The following C2orf49 variants were observed in gnomAD, a reference collection of about 807,000 sequenced individuals.
C2orf49 encodes tRNA-splicing ligase complex subunit ASW.
A neutral mutation model predicts 20.6 loss-of-function variants in C2orf49; 11 were observed. That is an observed-to-expected ratio of 0.53 (90% CI 0.34 to 0.88). The LOEUF (loss-of-function observed/expected upper bound fraction) is 0.88, where lower values mean the gene tolerates loss of function less well. Among genes scored for constraint, C2orf49 ranks in the 40% least tolerant of loss-of-function variants. The pLI is 0.02. For missense variants in C2orf49, 289 were observed against 274.2 expected (o/e 1.05, Z -0.38); for synonymous variants, 134 against 108.5 (o/e 1.24, Z -1.46).
chr2:105,361,117 A>G, the C2orf49 span: 3 of 629,964 alleles, frequency 4.8e-6, no homozygotes, highest in African/African-American at 5.5e-5. Context: ...GGACTGAACT[A>G]TCACAAAGCA....
At chr2:105,354,462 C>T in the C2orf49 span, among the ~76,000 whole-genome samples, 2 of 151,964 alleles carry the variant, frequency 1.3e-5, no homozygotes, top group South Asian at 2.1e-4. Context: ...GTCAGGAGTT[C>T]GAGACCAGCC....
chr2:105,370,751 GT>G, the C2orf49 span, among the ~76,000 whole-genome samples: 2 of 152,176 alleles, frequency 1.3e-5, no homozygotes, highest in African/African-American at 4.8e-5. Context: ...GTGCTGGTTT[GT>G]TTTGCATACA....
At chr2:105,337,721 G>GT in intron 1 of C2orf49, 35 bp downstream of exon 1, 1 of 26,800 alleles carries the variant, frequency 3.7e-5, no homozygotes, top group Non-Finnish European at 6.6e-5. Context: ...GGGCGGGTGG[G>GT]CCTTCCCAGG....
the C2orf49 span, among the ~76,000 whole-genome samples, chr2:105,365,357 G>C: frequency 3.3e-5 from 5 of 152,172 alleles, no homozygotes; most frequent in African/African-American, 1.2e-4. Context: ...GTCGAGGAAT[G>C]GATGCTTCTG....
chr2:105,382,697 T>A, the C2orf49 span, among the ~76,000 whole-genome samples: 1 of 152,168 alleles, frequency 6.6e-6, no homozygotes, highest in African/African-American at 2.4e-5. Flanking sequence ...TTTATTATTT[T>A]TTTTTTCTCT....
At position 105,346,247 on chromosome 2, in the gene C2orf49, AT is replaced by A. The variant is rs1209206986; in HGVS notation, c.*878del. On this transcript the variant is annotated 3_prime_UTR_variant, in exon 4 of 4. Transcript: ENST00000258457. ...ATACAGATAAAAATGCTGTTCTTTA[AT>A]TGCTTACATTGCTTCTTCCCATAAA... The A allele has an allele frequency of 1.3e-5, 2 of 152,296 alleles. No individual in the cohort carries two copies. The highest frequency in any genetic ancestry group is 3.9e-4 in the East Asian group (2 of 5,184). The allele number at this position is 152,296 out of a possible 1,614,324, so 9.4% of individuals were successfully genotyped here.
the C2orf49 span, chr2:105,378,340 C>T: frequency 2.9e-5 from 11 of 378,562 alleles, no homozygotes; most frequent in South Asian, 1.2e-4. Context: ...CTTCTGCAGG[C>T]GCAGCCTGTC....
the C2orf49 span, chr2:105,361,416 T>C: frequency 5.0e-6 from 8 of 1,614,058 alleles, no homozygotes; most frequent in East Asian, 1.8e-4. Flanking sequence ...AAAGGAGATG[T>C]ATTTTGTGCC....
chr2:105,343,243 C>A lies in C2orf49; in HGVS notation c.642+20C>A. On this transcript the variant is annotated intron_variant, in intron 3 of 3. Coordinates refer to ENST00000258457, the MANE Select transcript of C2orf49 (RefSeq NM_024093.3). The stretch of plus-strand genomic sequence containing the variant: ...GCCATGGTAAGTATGGGGGTGGTTT[C>A]CATGCTGGTAAGTGGTCTGAATGAA... 1 of 1,544,992 alleles carries A rather than the reference C, an allele frequency of 6.5e-7. No individual in the cohort carries two copies.
chr2:105,382,043 C>T, the C2orf49 span, among the ~76,000 whole-genome samples: 2 of 152,202 alleles, frequency 1.3e-5, no homozygotes, highest in African/African-American at 4.8e-5. Flanking sequence ...TGAAAACCTT[C>T]GTCTCCTATT....
the C2orf49 span, among the ~76,000 whole-genome samples, chr2:105,366,102 G>C: frequency 6.6e-6 from 1 of 151,600 alleles, no homozygotes; most frequent in African/African-American, 2.4e-5. Context: ...TCAGCTACTT[G>C]GGAGGCTGAG....
chr2:105,367,006 A>G, the C2orf49 span, among the ~76,000 whole-genome samples: 1 of 152,138 alleles, frequency 6.6e-6, no homozygotes, highest in Non-Finnish European at 1.5e-5. Flanking sequence ...TTGGCCTCCC[A>G]CAGGTGATCC....
the C2orf49 span, chr2:105,358,361 T>C: frequency 1.3e-5 from 2 of 152,316 alleles, no homozygotes; most frequent in Non-Finnish European, 2.9e-5. Flanking sequence ...CCGCTGGTCT[T>C]CTCAGATTGC....
chr2:105,373,575 C>A, the C2orf49 span: 1 of 1,614,244 alleles, frequency 6.2e-7, no homozygotes, highest in Non-Finnish European at 8.5e-7. Flanking sequence ...TGATGGTCTT[C>A]TTGCATTCCT....
the C2orf49 span, among the ~76,000 whole-genome samples, chr2:105,379,977 C>G: frequency 6.6e-6 from 1 of 152,220 alleles, no homozygotes; most frequent in Non-Finnish European, 1.5e-5. Flanking sequence ...CTGTCACTCT[C>G]TGAATGGGGC....
At chr2:105,364,020 G>T in the C2orf49 span, among the ~76,000 whole-genome samples, 1 of 152,178 alleles carries the variant, frequency 6.6e-6, no homozygotes, top group African/African-American at 2.4e-5. Flanking sequence ...ACTTTGGGAG[G>T]CCGAGGCAGG....
the C2orf49 span, among the ~76,000 whole-genome samples, chr2:105,364,776 GATATT>G: frequency 3.9e-5 from 6 of 152,144 alleles, no homozygotes; most frequent in Admixed American, 3.3e-4. Context: ...AAGTAGGAAA[GATATT>G]ATCTTAATTT....
At chr2:105,338,378 C>T (rs1198288812) in intron 1 of C2orf49, among the ~76,000 whole-genome samples, 1 of 152,212 alleles carries the variant, frequency 6.6e-6, no homozygotes, top group African/African-American at 2.4e-5. Context: ...TTCAGGTCCT[C>T]TTGCCACGTA....
chr2:105,338,892 C>T (rs1679583354), intron 1 of C2orf49, among the ~76,000 whole-genome samples: 1 of 152,070 alleles, frequency 6.6e-6, no homozygotes, highest in African/African-American at 2.4e-5. Flanking sequence ...TACTCCTGTG[C>T]TTATGCTATG....
Sources: allele counts gnomAD v4.1 joint callset (sites outside exome capture counted in the v4.1 genomes callset), GRCh38; gene constraint gnomAD v4.1.1; transcripts MANE v1.5; gene names NCBI Gene and HGNC (gene_info 2026-07-23, HGNC 2026-07-21).